The following CADPS2 variants were observed in gnomAD, a reference collection of about 807,000 sequenced individuals.
CADPS2 encodes the protein calcium-dependent secretion activator 2.
A neutral mutation model predicts 172.5 loss-of-function variants in CADPS2; 93 were observed. That is an observed-to-expected ratio of 0.54 (90% CI 0.46 to 0.64). The LOEUF (loss-of-function observed/expected upper bound fraction) is 0.64, where lower values mean the gene tolerates loss of function less well. Ranked by LOEUF, CADPS2 falls within the 30% of genes least tolerant of loss-of-function variation. CADPS2 has a pLI of 0.00. For synonymous variants in CADPS2, 546 were observed against 555.2 expected (o/e 0.98, Z 0.23); for missense variants, 1,420 against 1,565.9 (o/e 0.91, Z 1.57).
At chr7:122,597,751 T>C (rs2072076470) in intron 6 of CADPS2, among the ~76,000 whole-genome samples, 1 of 152,088 alleles carries the variant, frequency 6.6e-6, no homozygotes, top group African/African-American at 2.4e-5. Flanking sequence ...CTCACAAACA[T>C]TAAGCTAACC....
At chr7:122,359,869 C>T (rs116846098) in intron 27 of CADPS2, among the ~76,000 whole-genome samples, 2,384 of 152,242 alleles carry the variant, frequency 0.016, 30 homozygotes, top group Non-Finnish European at 0.023. Flanking sequence ...TTTATAACTA[C>T]AGCAGCAATA....
chr7:122,757,912 A>G (rs1420557753), intron 1 of CADPS2, among the ~76,000 whole-genome samples: 1 of 92,452 alleles, frequency 1.1e-5, no homozygotes, highest in Admixed American at 1.1e-4. Flanking sequence ...TAGCACAGGG[A>G]AAAAAAAACT....
At chr7:122,376,016 A>C (rs1379439093) in intron 25 of CADPS2, among the ~76,000 whole-genome samples, 1 of 152,158 alleles carries the variant, frequency 6.6e-6, no homozygotes, top group Admixed American at 6.5e-5. Flanking sequence ...GAGAAATGCA[A>C]ATCAAAATCA....
chr7:122,619,127 T>C (rs1314963566), intron 5 of CADPS2, among the ~76,000 whole-genome samples: 1 of 152,168 alleles, frequency 6.6e-6, no homozygotes, highest in Non-Finnish European at 1.5e-5. Context: ...CACTTAAACA[T>C]TGACTCAGCA....
intron 20 of CADPS2, among the ~76,000 whole-genome samples, chr7:122,400,400 G>A (rs1338002885): frequency 6.6e-6 from 1 of 151,836 alleles, no homozygotes; most frequent in Non-Finnish European, 1.5e-5. Flanking sequence ...TCACTCCATT[G>A]CACTCCAGCC....
intron 3 of CADPS2, among the ~76,000 whole-genome samples, chr7:122,661,950 T>C (rs1362511992): frequency 6.6e-6 from 1 of 152,230 alleles, no homozygotes; most frequent in Admixed American, 6.5e-5. Context: ...CTTCTTCCAC[T>C]ATTATCAAAT....
At chr7:122,694,918 T>C (rs1458780892) in intron 2 of CADPS2, among the ~76,000 whole-genome samples, 1 of 152,174 alleles carries the variant, frequency 6.6e-6, no homozygotes, top group East Asian at 1.9e-4. Flanking sequence ...CTTCAGTGCC[T>C]TCCCAAATGC....
chr7:122,633,881 G>A (rs1488734523), intron 3 of CADPS2, among the ~76,000 whole-genome samples: 2 of 152,118 alleles, frequency 1.3e-5, no homozygotes, highest in Non-Finnish European at 2.9e-5. Flanking sequence ...CTAGCCTGTT[G>A]AAGGTTTTTA....
intron 25 of CADPS2, among the ~76,000 whole-genome samples, chr7:122,366,610 T>TACACACACACAC (rs200926726): frequency 4.0e-5 from 5 of 126,214 alleles, no homozygotes; most frequent in Non-Finnish European, 8.4e-5. Context: ...ATCTCAAAAA[T>TACACACACACAC]ACACACACAC....
chr7:122,638,592 C>A (rs1221582566), intron 3 of CADPS2, among the ~76,000 whole-genome samples: 2 of 152,164 alleles, frequency 1.3e-5, no homozygotes, highest in South Asian at 4.1e-4. Context: ...CTGGGGGGGT[C>A]CCCACGGACT....
intron 8 of CADPS2, among the ~76,000 whole-genome samples, chr7:122,518,606 C>T (rs1010347918): frequency 1.3e-5 from 2 of 151,936 alleles, no homozygotes; most frequent in Non-Finnish European, 2.9e-5. Context: ...GATTTGCTAG[C>T]GGGTCTATGC....
intron 6 of CADPS2, among the ~76,000 whole-genome samples, chr7:122,586,065 G>T (rs909052409): frequency 6.6e-6 from 1 of 151,792 alleles, no homozygotes; most frequent in Non-Finnish European, 1.5e-5. Flanking sequence ...TAAATTATGG[G>T]GCATGTGATG....
intron 8 of CADPS2, among the ~76,000 whole-genome samples, chr7:122,543,649 A>G (rs10085663): frequency 0.61 from 92,359 of 151,890 alleles, 28,572 homozygotes; most frequent in African/African-American, 0.73. Flanking sequence ...AGTATTCAAG[A>G]TTATCTGGGA....
At chr7:122,561,256 C>G (rs1209771109) in intron 7 of CADPS2, among the ~76,000 whole-genome samples, 1 of 152,044 alleles carries the variant, frequency 6.6e-6, no homozygotes, top group Non-Finnish European at 1.5e-5. Flanking sequence ...TGCAATTATT[C>G]AAACTCCCAA....
chr7:122,803,974 G>GAAAAA lies in CADPS2; in HGVS notation c.340-66911_340-66907dup, dbSNP rs869246600. Among the ~76,000 whole-genome samples, 60 of 85,100 alleles carry GAAAAA rather than the reference G, an allele frequency of 7.1e-4. 1 individual carries two copies. Among genetic ancestry groups the GAAAAA allele is most frequent in the African/African-American group, 2.3e-3 (54 of 23,186 alleles). The allele number at this position is 85,100 out of a possible 152,430, so 55.8% of individuals were successfully genotyped here. On this transcript the variant is annotated intron_variant, in intron 1 of 29. Transcript: ENST00000449022. Reference sequence around the variant, plus strand: ...GTCTTTTTAAAACCAGGCTTGAATGGAAAAAAAAAAAAAAAAAAAAAAAAC... The same window carrying GAAAAA: ...GTCTTTTTAAAACCAGGCTTGAATGGAAAAAAAAAAAAAAAAAAAAAAAAAAAAAC...
intron 3 of CADPS2, among the ~76,000 whole-genome samples, chr7:122,660,771 TG>T (rs895644801): frequency 6.6e-6 from 1 of 151,974 alleles, no homozygotes; most frequent in Non-Finnish European, 1.5e-5. Context: ...TAGCCAGGCA[TG>T]GTGGTGTGGT....
At chr7:122,784,567 G>C (rs1563009472) in intron 1 of CADPS2, among the ~76,000 whole-genome samples, 1 of 152,148 alleles carries the variant, frequency 6.6e-6, no homozygotes, top group African/African-American at 2.4e-5. Flanking sequence ...ATCTAGGCAG[G>C]AAAATGATAT....
At chr7:122,856,182 T>C (rs535567538) in intron 1 of CADPS2, among the ~76,000 whole-genome samples, 2 of 152,326 alleles carry the variant, frequency 1.3e-5, no homozygotes, top group African/African-American at 2.4e-5. Context: ...TCCCACTCCC[T>C]GTGTTCTTGT....
intron 8 of CADPS2, among the ~76,000 whole-genome samples, chr7:122,527,617 A>AGAGAGAGT: frequency 3.5e-4 from 29 of 83,888 alleles, no homozygotes; most frequent in African/African-American, 8.2e-4. Flanking sequence ...AGAGAGAGAG[A>AGAGAGAGT]GTGTGTGTGT....
Sources: allele counts gnomAD v4.1 joint callset (sites outside exome capture counted in the v4.1 genomes callset), GRCh38; gene constraint gnomAD v4.1.1; transcripts MANE v1.5; gene names NCBI Gene and HGNC (gene_info 2026-07-23, HGNC 2026-07-21).